NLRC5: variants seen among roughly 807,000 people sequenced by gnomAD.
NLRC5 encodes the protein NLR family CARD domain containing 5, also known as protein NLRC5.
Under a neutral mutation model 206.9 loss-of-function variants are expected in NLRC5, and 114 were observed. The observed-to-expected ratio is 0.55, with a 90% CI of 0.47 to 0.64. The LOEUF (loss-of-function observed/expected upper bound fraction) is 0.64, where lower values mean the gene tolerates loss of function less well. Among genes scored for constraint, NLRC5 ranks in the 30% least tolerant of loss-of-function variants. The pLI is 0.00. For synonymous variants in NLRC5, 952 were observed against 962.8 expected (o/e 0.99, Z 0.21); for missense variants, 2,008 against 2,305.5 (o/e 0.87, Z 2.64).
At chr16:57,032,565 A>G (rs1358924438) in intron 11 of NLRC5, among the ~76,000 whole-genome samples, 1 of 152,196 alleles carries the variant, frequency 6.6e-6, no homozygotes, top group African/African-American at 2.4e-5. Flanking sequence ...TAATTTAAAT[A>G]AATTAAAATT....
intron 1 of NLRC5, among the ~76,000 whole-genome samples, chr16:56,999,682 T>C (rs2058032681): frequency 6.6e-6 from 1 of 152,264 alleles, no homozygotes; most frequent in African/African-American, 2.4e-5. Flanking sequence ...TGCTCTGCCC[T>C]GGGAAGGGGA....
At chr16:56,993,331 C>T (rs910309749) in intron 1 of NLRC5, among the ~76,000 whole-genome samples, 9 of 151,908 alleles carry the variant, frequency 5.9e-5, no homozygotes, top group African/African-American at 2.2e-4. Flanking sequence ...TTAACAGCTG[C>T]CTAGTATTTC....
Position 57,045,512 on chromosome 16 carries a change from G to A in NLRC5, c.3248+20G>A, listed in dbSNP as rs767127547. On this transcript the variant is annotated intron_variant, in intron 21 of 48. Coordinates refer to ENST00000688547, the MANE Select transcript of NLRC5 (RefSeq NM_001384950.1). ...AAGCAGGTGAGGAGGGAACGCTCGG[G>A]GTGGGGGAGTCCCCTCCCGCTCTGG... 2.5e-6 allele frequency: 4 copies of A among 1,612,884 alleles called. No individual in the cohort carries two copies. Among genetic ancestry groups the A allele is most frequent in the South Asian group, 1.1e-5 (1 of 91,030 alleles).
At chr16:57,064,919 T>C (rs2066922772) in intron 32 of NLRC5, among the ~76,000 whole-genome samples, 1 of 152,054 alleles carries the variant, frequency 6.6e-6, no homozygotes, top group South Asian at 2.1e-4. Flanking sequence ...AGCAAAACTC[T>C]GTCTCAAAAA....
intron 1 of NLRC5, among the ~76,000 whole-genome samples, chr16:57,007,803 G>A (rs578046569): frequency 6.6e-6 from 1 of 152,130 alleles, no homozygotes; most frequent in African/African-American, 2.4e-5. Flanking sequence ...AGTTTTCTAT[G>A]AGGTCATTGG....
At chr16:57,038,058 G>A (rs2062824117) in intron 15 of NLRC5, among the ~76,000 whole-genome samples, 1 of 152,070 alleles carries the variant, frequency 6.6e-6, no homozygotes, top group African/African-American at 2.4e-5. Context: ...TCACGATTGT[G>A]CAAACACATT....
Position 57,014,927 on chromosome 16 carries a change from C to CTTT in NLRC5, c.-127-2138_-127-2136dup, listed in dbSNP as rs11413193. On this transcript the variant is annotated intron_variant, in intron 1 of 48. Coordinates refer to ENST00000688547, the MANE Select transcript of NLRC5 (RefSeq NM_001384950.1). Reference sequence around the variant, plus strand: ...GCGCTCTCCAGCCTCTTCCTTTTTCCTTTTTTTTTTTGTTTGTTTGAGATG... The same window carrying CTTT: ...GCGCTCTCCAGCCTCTTCCTTTTTCCTTTTTTTTTTTTTTGTTTGTTTGAGATG... Among the ~76,000 whole-genome samples, 1,191 of 146,560 alleles carry CTTT rather than the reference C, an allele frequency of 8.1e-3. 14 individuals are homozygous for CTTT. The highest frequency in any genetic ancestry group is 0.028 in the African/African-American group (1,139 of 40,232).
intron 48 of NLRC5, 103 bp from the exon 49 acceptor site, chr16:57,082,314 C>G (rs1018347239): frequency 1.1e-6 from 1 of 887,938 alleles, no homozygotes; most frequent in Non-Finnish European, 1.8e-6. Flanking sequence ...CCAGGTAACT[C>G]TAGGCACAGC....
At position 57,029,915 on chromosome 16, in the gene NLRC5, A is replaced by C. The variant is rs1024235819; in HGVS notation, c.2327+59A>C. ...TCCCTCTCTATACCTGATTCACCCC[A>C]CTCCCTTGCAAGGCAAGGAAGGTCT... On this transcript the variant is annotated intron_variant, in intron 9 of 48. Coordinates refer to ENST00000688547, the MANE Select transcript of NLRC5 (RefSeq NM_001384950.1). 4 of 1,601,944 alleles carry C rather than the reference A, an allele frequency of 2.5e-6. No homozygotes were observed. The African/African-American group carries it at 5.4e-5, about 22-fold the overall frequency.
chr16:57,035,362 T>C (rs1231181382), intron 13 of NLRC5, among the ~76,000 whole-genome samples: 1 of 152,120 alleles, frequency 6.6e-6, no homozygotes, highest in African/African-American at 2.4e-5. Context: ...TTTTCACTGA[T>C]GCCTGCCCCC....
chr16:57,061,956 T>G (rs1179060479), intron 32 of NLRC5: 2 of 1,493,186 alleles, frequency 1.3e-6, no homozygotes, highest in South Asian at 2.4e-5. Context: ...GAAAGAAGGT[T>G]TCAGAGGATA....
intron 1 of NLRC5, among the ~76,000 whole-genome samples, chr16:57,003,137 G>A (rs2058490808): frequency 6.6e-6 from 1 of 152,112 alleles, no homozygotes; most frequent in Admixed American, 6.5e-5. Flanking sequence ...TCAGCTCACT[G>A]CCGCCTCCGT....
Position 57,026,346 on chromosome 16 carries a change from T to C in NLRC5, c.1403T>C (p.Leu468Pro). 1.2e-6 allele frequency: 2 copies of C among 1,613,960 alleles called. No individual in the cohort carries two copies. The highest frequency in any genetic ancestry group is 1.7e-6 in the Non-Finnish European group (2 of 1,180,042). Residue 468 changes from leucine to proline, a missense_variant, in exon 6 of 49, where the codon CTG (leucine) becomes CCG (proline). Physicochemically the swap from Leu to Pro is moderately conservative, Grantham distance 98. Transcript: ENST00000688547. ...LDLGEVALRGLETGKVIFYAK... is the reference protein window; with the variant it reads ...LDLGEVALRGPETGKVIFYAK... ...CTGGGGGAGGTGGCCCTGAGGGGCC[T>C]GGAGACAGGGAAGGTTATCTTCTAT...
chr16:57,081,541 A>G lies in NLRC5; in HGVS notation c.5420A>G (p.Gln1807Arg), dbSNP rs745583169. The G allele has an allele frequency of 3.7e-6, 6 of 1,614,074 alleles. No homozygotes were observed. The South Asian group carries it at 6.6e-5, about 18-fold the overall frequency. The change falls in exon 48 of 49, where the codon CAG (glutamine) becomes CGG (arginine). Residue 1807 changes from glutamine to arginine, a missense_variant. Gln to Arg is a conservative substitution (Grantham distance 43, BLOSUM62 1). Coordinates refer to ENST00000688547, the MANE Select transcript of NLRC5 (RefSeq NM_001384950.1). ...CCACTGAGAAGCCTGGAGAAGAATCAGATCACAGCTTTGGGGGCCTGGCTC... is the reference window on the plus strand; with the variant it reads ...CCACTGAGAAGCCTGGAGAAGAATCGGATCACAGCTTTGGGGGCCTGGCTC... ...RLKRVDLEKN[Q>R]ITALGAWLLA...
intron 36 of NLRC5, 144 bp downstream of exon 36, chr16:57,067,972 T>A: frequency 1.5e-6 from 1 of 647,618 alleles, no homozygotes; most frequent in Non-Finnish European, 2.7e-6. Context: ...CTGGAGATGA[T>A]TTTTAGGGGT....
At chr16:57,007,997 A>G (rs74912812) in intron 1 of NLRC5, among the ~76,000 whole-genome samples, 6,685 of 152,096 alleles carry the variant, frequency 0.044, 227 homozygotes, top group South Asian at 0.14. Flanking sequence ...TTTATATCTG[A>G]TCAGTTTCAT....
chr16:57,070,405 G>T, intron 37 of NLRC5, 130 bp from the exon 38 acceptor site: 1 of 725,094 alleles, frequency 1.4e-6, no homozygotes, highest in Non-Finnish European at 2.4e-6. Flanking sequence ...GACAGCGAGG[G>T]TGGCCCAGGG....
intron 15 of NLRC5, 145 bp from the exon 16 acceptor site, chr16:57,039,636 G>C: frequency 1.4e-6 from 1 of 704,802 alleles, no homozygotes; most frequent in South Asian, 1.7e-5. Flanking sequence ...AGGATTGCTT[G>C]AGCCCAGGAG....
At chr16:57,001,398 C>T (rs1010196445) in intron 1 of NLRC5, among the ~76,000 whole-genome samples, 1 of 152,176 alleles carries the variant, frequency 6.6e-6, no homozygotes, top group Non-Finnish European at 1.5e-5. Context: ...GGGACCTCCT[C>T]CTTAATCTAA....
Sources: allele counts gnomAD v4.1 joint callset (sites outside exome capture counted in the v4.1 genomes callset), GRCh38; gene constraint gnomAD v4.1.1; transcripts MANE v1.5; gene names NCBI Gene and HGNC (gene_info 2026-07-23, HGNC 2026-07-21).